Variants in LYPD6 observed in about 807,000 individuals in gnomAD.
LYPD6 encodes the protein ly6/PLAUR domain-containing protein 6.
In LYPD6, 15 loss-of-function variants were observed where a neutral mutation model predicts 22.7. The observed-to-expected ratio is 0.66, with a 90% confidence interval of 0.44 to 1.02. LYPD6 has a LOEUF of 1.02. Ranked by LOEUF, LYPD6 falls within the 50% of genes least tolerant of loss-of-function variation. LYPD6 has a pLI of 0.00. For missense variants in LYPD6, 189 were observed against 208.4 expected (o/e 0.91, Z 0.57); for synonymous variants, 72 against 77.5 (o/e 0.93, Z 0.37).
At chr2:149,371,106 C>A (rs1384896730) in intron 1 of LYPD6, among the ~76,000 whole-genome samples, 2 of 152,146 alleles carry the variant, frequency 1.3e-5, no homozygotes, top group Admixed American at 6.5e-5. Context: ...ACTCTGTTGC[C>A]CAGGTTGAAG....
downstream of LYPD6, among the ~76,000 whole-genome samples, chr2:149,477,445 A>G (rs566017320): frequency 9.2e-5 from 14 of 152,170 alleles, no homozygotes; most frequent in African/African-American, 3.1e-4. Flanking sequence ...CAACGTGGTG[A>G]AACACTGTCT....
intron 2 of LYPD6, among the ~76,000 whole-genome samples, chr2:149,441,131 A>T (rs936385872): frequency 6.6e-6 from 1 of 152,228 alleles, no homozygotes; most frequent in Non-Finnish European, 1.5e-5. Context: ...GCACTAGACC[A>T]TATTAAGCTG....
At position 149,473,520 on chromosome 2, in the gene LYPD6, T is replaced by C. The variant is rs1424753929; in HGVS notation, c.*2670T>C. On this transcript the variant is annotated 3_prime_UTR_variant, in exon 5 of 5. Coordinates refer to ENST00000334166, the MANE Select transcript of LYPD6 (RefSeq NM_194317.5). The stretch of plus-strand genomic sequence containing the variant: ...TGTATATTAAGCTATGTGCCACATA[T>C]TTATTTTTAGACTCTCCACAGCATT... The C allele has an allele frequency of 6.6e-6, 1 of 152,540 alleles. No homozygotes were observed. The highest frequency in any genetic ancestry group is 1.9e-4 in the East Asian group (1 of 5,206). 9.4% of individuals were successfully genotyped at this position (152,540 alleles called of 1,614,324 possible).
chr2:149,421,981 G>A (rs1375411015), intron 1 of LYPD6, among the ~76,000 whole-genome samples: 11 of 152,150 alleles, frequency 7.2e-5, no homozygotes, highest in Admixed American at 7.2e-4. Flanking sequence ...AAGTCTGACA[G>A]GTGGTGACCC....
chr2:149,380,628 A>G (rs901720896), intron 1 of LYPD6, among the ~76,000 whole-genome samples: 4 of 152,206 alleles, frequency 2.6e-5, no homozygotes, highest in African/African-American at 9.7e-5. Flanking sequence ...GGACATTGAA[A>G]GTTTTATAAG....
intron 1 of LYPD6, among the ~76,000 whole-genome samples, chr2:149,386,553 A>C (rs1002863362): frequency 3.4e-4 from 51 of 152,236 alleles, no homozygotes; most frequent in African/African-American, 1.2e-3. Flanking sequence ...AGAGCCGTGC[A>C]TGTAGACATA....
At chr2:149,430,217 A>G (rs1683282709) in intron 1 of LYPD6, among the ~76,000 whole-genome samples, 1 of 152,128 alleles carries the variant, frequency 6.6e-6, no homozygotes, top group African/African-American at 2.4e-5. Context: ...CTCCTGCCTC[A>G]GCATCTGGAG....
intron 1 of LYPD6, among the ~76,000 whole-genome samples, chr2:149,370,883 C>T (rs76025927): frequency 0.019 from 2,895 of 152,232 alleles, 82 homozygotes; most frequent in African/African-American, 0.065. Context: ...TTGCTTGAGC[C>T]TAGGACTTCG....
chr2:149,336,593 A>T (rs552241785), intron 1 of LYPD6, among the ~76,000 whole-genome samples: 7 of 152,310 alleles, frequency 4.6e-5, no homozygotes, highest in African/African-American at 1.4e-4. Context: ...AAGTTTATAT[A>T]AATAAACCCT....
chr2:149,355,830 A>T (rs371827840), intron 1 of LYPD6, among the ~76,000 whole-genome samples: 1 of 152,148 alleles, frequency 6.6e-6, no homozygotes, highest in Non-Finnish European at 1.5e-5. Flanking sequence ...TAACTTAGGA[A>T]CATTAATCTC....
At chr2:149,413,251 G>A (rs1404008039) in intron 1 of LYPD6, among the ~76,000 whole-genome samples, 1 of 152,136 alleles carries the variant, frequency 6.6e-6, no homozygotes, top group South Asian at 2.1e-4. Context: ...GCTGTTCCTT[G>A]CCCAGGAGAG....
At chr2:149,337,812 A>C (rs2105045935) in intron 1 of LYPD6, among the ~76,000 whole-genome samples, 1 of 152,154 alleles carries the variant, frequency 6.6e-6, no homozygotes, top group African/African-American at 2.4e-5. Flanking sequence ...AGTAGACCCC[A>C]GTGTTTGTTG....
At chr2:149,428,620 A>G (rs567929146) in intron 1 of LYPD6, among the ~76,000 whole-genome samples, 150 of 152,278 alleles carry the variant, frequency 9.9e-4, no homozygotes, top group African/African-American at 3.3e-3. Flanking sequence ...CTTGGTGAAA[A>G]TGTCCAACAC....
intron 1 of LYPD6, among the ~76,000 whole-genome samples, chr2:149,348,061 C>CAAAAAAAAAAA (rs58228847): frequency 1.3e-3 from 102 of 76,616 alleles, no homozygotes; most frequent in Middle Eastern, 0.011. Flanking sequence ...ACTAAAAATA[C>CAAAAAAAAAAA]AAAAAAAAAA....
intron 1 of LYPD6, among the ~76,000 whole-genome samples, chr2:149,366,897 C>T (rs531664066): frequency 2.0e-5 from 3 of 152,282 alleles, no homozygotes; most frequent in South Asian, 2.1e-4. Flanking sequence ...ATTTTACACA[C>T]TGTCATGTGT....
intron 1 of LYPD6, among the ~76,000 whole-genome samples, chr2:149,411,796 T>C (rs1682854316): frequency 6.6e-6 from 1 of 152,164 alleles, no homozygotes; most frequent in Non-Finnish European, 1.5e-5. Context: ...ACTCCCTTAG[T>C]GATGGCTCTT....
At chr2:149,392,622 A>G (rs545262872) in intron 1 of LYPD6, among the ~76,000 whole-genome samples, 67 of 152,260 alleles carry the variant, frequency 4.4e-4, no homozygotes, top group South Asian at 1.0e-3. Context: ...TTTATTTTTG[A>G]GGCTATACGA....
chr2:149,455,874 G>A (rs973152448), intron 3 of LYPD6, among the ~76,000 whole-genome samples: 1 of 152,174 alleles, frequency 6.6e-6, no homozygotes, highest in South Asian at 2.1e-4. Context: ...CCAGTGAGAG[G>A]TTCATTAAGA....
chr2:149,432,311 G>T (rs139943809), intron 1 of LYPD6, among the ~76,000 whole-genome samples: 9 of 152,174 alleles, frequency 5.9e-5, no homozygotes, highest in Non-Finnish European at 1.5e-5. Context: ...AATGTTAGCA[G>T]CAGTATTCAC....
Sources: allele counts gnomAD v4.1 joint callset (sites outside exome capture counted in the v4.1 genomes callset), GRCh38; gene constraint gnomAD v4.1.1; transcripts MANE v1.5; gene names NCBI Gene and HGNC (gene_info 2026-07-23, HGNC 2026-07-21).